CSDE1: variants seen among roughly 807,000 people sequenced by gnomAD.
CSDE1 encodes the protein cold shock domain containing E1.
In CSDE1, 17 loss-of-function variants were observed where a neutral mutation model predicts 89.3. The observed-to-expected ratio is 0.19, with a 90% CI of 0.13 to 0.29. The LOEUF is 0.29. Among genes scored for constraint, CSDE1 ranks in the 10% least tolerant of loss-of-function variants. The probability of loss-of-function intolerance (pLI) is 1.00; values close to 1 mark genes in which losing one functional copy is unlikely to be tolerated. For synonymous variants in CSDE1, 322 were observed against 332.8 expected (o/e 0.97, Z 0.35); for missense variants, 672 against 984.2 (o/e 0.68, Z 4.24).
chr1:114,731,548 T>TGTTATCATATCATCTACA (rs1477619047), intron 10 of CSDE1, among the ~76,000 whole-genome samples: 6 of 151,970 alleles, frequency 3.9e-5, no homozygotes, highest in Non-Finnish European at 8.8e-5. Flanking sequence ...CAACACTGAG[T>TGTTATCATATCATCTACA]TATAGTGTAG....
chr1:114,718,064 G>A lies in CSDE1; in HGVS notation c.*105C>T. Reference sequence around the variant, plus strand: ...CTGGTGTAATAGCTCAATAGAATAAGTATTCCAGATTTCGGGAGGGATGAA... The same window carrying A: ...CTGGTGTAATAGCTCAATAGAATAAATATTCCAGATTTCGGGAGGGATGAA... On this transcript the variant is annotated 3_prime_UTR_variant, in exon 20 of 20. Coordinates refer to ENST00000358528, the MANE Select transcript of CSDE1 (RefSeq NM_001007553.3). 9.0e-7 allele frequency: 1 copy of A among 1,108,458 alleles called. No homozygotes were observed. Among genetic ancestry groups the A allele is most frequent in the Non-Finnish European group, 1.4e-6 (1 of 727,246 alleles). 68.7% of individuals were successfully genotyped at this position (1,108,458 alleles called of 1,614,324 possible). A position where few individuals can be genotyped will look rare whatever the true frequency, so the allele number is the denominator to read the frequency against.
Position 114,751,442 on chromosome 1 carries a change from G to A in CSDE1, c.-387-1235C>T, listed in dbSNP as rs149675215. 9.2e-4 allele frequency among the ~76,000 whole-genome samples: 140 copies of A among 152,216 alleles called. 2 individuals carry two copies. The highest frequency in any genetic ancestry group is 3.1e-3 in the African/African-American group (130 of 41,548). On this transcript the variant is annotated intron_variant, in intron 1 of 19. Coordinates refer to ENST00000358528, the MANE Select transcript of CSDE1 (RefSeq NM_001007553.3). ...TAGCTCAGACCAGAAGAGCCTAATC[G>A]CAATCACTGGTACTAGTAAATACCA...
intron 6 of CSDE1, 62 bp from the exon 7 acceptor site, chr1:114,734,585 CT>C: frequency 1.5e-6 from 2 of 1,322,078 alleles, no homozygotes; most frequent in Middle Eastern, 1.8e-4. Flanking sequence ...TATTGGCCTG[CT>C]TAGATATGAG....
At chr1:114,748,937 C>T (rs575032268) in intron 2 of CSDE1, among the ~76,000 whole-genome samples, 12 of 152,306 alleles carry the variant, frequency 7.9e-5, no homozygotes, top group Non-Finnish European at 1.0e-4. Flanking sequence ...GGCTCTCCTA[C>T]GGAATAAAGA....
At chr1:114,751,387 T>C (rs965257171) in intron 1 of CSDE1, among the ~76,000 whole-genome samples, 3 of 152,218 alleles carry the variant, frequency 2.0e-5, no homozygotes, top group East Asian at 1.9e-4. Flanking sequence ...AGAAGAATGA[T>C]TATCAGGTGA....
At chr1:114,741,215 G>A (rs1438366179) in intron 2 of CSDE1, among the ~76,000 whole-genome samples, 1 of 152,140 alleles carries the variant, frequency 6.6e-6, no homozygotes, top group South Asian at 2.1e-4. Flanking sequence ...AAACCAAGAA[G>A]GTCTGGCTGT....
chr1:114,726,726 A>T (rs1659820380), intron 13 of CSDE1, among the ~76,000 whole-genome samples: 1 of 152,240 alleles, frequency 6.6e-6, no homozygotes, highest in Non-Finnish European at 1.5e-5. Flanking sequence ...AACTGTTTTA[A>T]CTTTCTTACC....
At chr1:114,751,641 C>T (rs184186606) in intron 1 of CSDE1, among the ~76,000 whole-genome samples, 66 of 151,302 alleles carry the variant, frequency 4.4e-4, no homozygotes, top group Admixed American at 2.1e-3. Flanking sequence ...CTCCTATTAC[C>T]CAGACTAGAT....
At chr1:114,754,004 GCTA>G (rs1661453278) in intron 1 of CSDE1, among the ~76,000 whole-genome samples, 2 of 152,206 alleles carry the variant, frequency 1.3e-5, no homozygotes, top group Admixed American at 1.3e-4. Flanking sequence ...CATACTGTGT[GCTA>G]AGTAATCAAC....
rs1661223065 is a variant in CSDE1 at position 114,750,024 on chromosome 1, T to A, written c.-204A>T. On this transcript the variant is annotated 5_prime_UTR_variant, in exon 2 of 20. Transcript: ENST00000358528. ...AAGAAAACAAAGACTACTAGCAGCG[T>A]TGGGAAGTGCTCTTTCAAAGCTGTT... 1 of 152,562 alleles carries A rather than the reference T, an allele frequency of 6.6e-6. No homozygotes were observed. The highest frequency in any genetic ancestry group is 2.4e-5 in the African/African-American group (1 of 41,426). The allele number at this position is 152,562 out of a possible 1,614,324, so 9.5% of individuals were successfully genotyped here. A position where few individuals can be genotyped will look rare whatever the true frequency, so the allele number is the denominator to read the frequency against.
At chr1:114,739,527 T>C (rs1318925955) in intron 3 of CSDE1, among the ~76,000 whole-genome samples, 165 bp downstream of exon 3, 1 of 152,244 alleles carries the variant, frequency 6.6e-6, no homozygotes, top group Admixed American at 6.5e-5. Flanking sequence ...ATATAATCTT[T>C]CAAGGATTCT....
chr1:114,743,707 T>C (rs1660860052), intron 2 of CSDE1, among the ~76,000 whole-genome samples: 1 of 152,164 alleles, frequency 6.6e-6, no homozygotes, highest in Admixed American at 6.5e-5. Context: ...GCTAGCATTT[T>C]AAGACTCTAA....
chr1:114,744,553 G>A (rs556408950), intron 2 of CSDE1, among the ~76,000 whole-genome samples: 1 of 152,118 alleles, frequency 6.6e-6, no homozygotes, highest in Non-Finnish European at 1.5e-5. Flanking sequence ...GGGTGACAGA[G>A]TGAGACCCTG....
chr1:114,719,712 T>C lies in CSDE1; in HGVS notation c.2083A>G (p.Ser695Gly). The change falls in exon 18 of 20, where the codon AGC (serine) becomes GGC (glycine). Residue 695 changes from serine (S) to glycine (G), a missense_variant. Physicochemically the swap from Ser to Gly is moderately conservative, Grantham distance 56. This residue lies in a region of CSDE1 where 206 missense variants were observed against 332.4 expected (regional missense o/e 0.62). Transcript: ENST00000358528. ...TTCACATGGAAAAAGAGCTTCTTGC[T>C]ATCTCCTACTTCATAGTTAATGAAG... is the stretch of plus-strand genomic sequence containing the variant. ...FGFINYEVGD[S>G]KKLFFHVKEV... The C allele has an allele frequency of 6.2e-7, 1 of 1,613,880 alleles. No homozygotes were observed. The highest frequency in any genetic ancestry group is 1.1e-5 in the South Asian group (1 of 91,030).
At position 114,726,357 on chromosome 1, in the gene CSDE1, CCT is replaced by C; in HGVS notation, c.1492_1493del (p.Arg498AlafsTer15). 6.2e-7 allele frequency: 1 copy of C among 1,612,134 alleles called. No homozygotes were observed. The highest frequency in any genetic ancestry group is 8.5e-7 in the Non-Finnish European group (1 of 1,179,370). Reference protein sequence around the residue: ...KVEFSISDKQRPGQQVATCVR... With the variant: ...KVEFSISDKQXPGQQVATCVR... Reference sequence around the variant, plus strand: ...CACAAGTTGCAACCTGCTGTCCAGGCCTCTGTTTGTCACTAATACTAAATTCA... The same window carrying C: ...CACAAGTTGCAACCTGCTGTCCAGGCCTGTTTGTCACTAATACTAAATTCA... On this transcript the variant is annotated frameshift_variant, in exon 14 of 20. Transcript: ENST00000358528. LOFTEE classifies it high-confidence loss of function.
chr1:114,750,222 TGAA>T lies in CSDE1; in HGVS notation c.-387-18_-387-16del, dbSNP rs1162975877. The stretch of plus-strand genomic sequence containing the variant: ...TACACTTCATACTAAAGGTAAAAAA[TGAA>T]GACATTAAGTATAACATACATAAAA... On this transcript the variant is annotated splice_polypyrimidine_tract_variant and intron_variant, in intron 1 of 19. Transcript: ENST00000358528. The T allele has an allele frequency of 6.6e-6, 1 of 152,434 alleles. No individual in the cohort carries two copies. Among genetic ancestry groups the T allele is most frequent in the Non-Finnish European group, 1.5e-5 (1 of 68,020 alleles). 9.4% of individuals were successfully genotyped at this position (152,434 alleles called of 1,614,324 possible).
In CSDE1 at chr1:114,722,320, C is replaced by A. The variant is rs532686588; in HGVS notation, c.1873+1563G>T. ...ATCAATAATTACCATTTATGATGCA[C>A]ATACTGATTCATACTTTATAGAACC... On this transcript the variant is annotated intron_variant, in intron 16 of 19. Transcript: ENST00000358528. Among the ~76,000 whole-genome samples the A allele has an allele frequency of 2.6e-5, 4 of 152,344 alleles. No individual in the cohort carries two copies. The East Asian group carries it at 5.8e-4, about 22-fold the overall frequency.
At position 114,733,911 on chromosome 1, in the gene CSDE1, T is replaced by C. The variant is rs2101042229; in HGVS notation, c.712-54A>G. 3 of 1,607,728 alleles carry C rather than the reference T, an allele frequency of 1.9e-6. No homozygotes were observed. The Admixed American group carries it at 5.1e-5, about 27-fold the overall frequency. On this transcript the variant is annotated intron_variant, in intron 8 of 19. Coordinates refer to ENST00000358528, the MANE Select transcript of CSDE1 (RefSeq NM_001007553.3). ...GGGGACAGAGGAAGGAAGAATCACA[T>C]AATTTTAAGTGTTTCTTAAAAACAT...
intron 2 of CSDE1, among the ~76,000 whole-genome samples, chr1:114,745,784 A>C (rs547701149): frequency 5.9e-5 from 9 of 152,352 alleles, no homozygotes; most frequent in African/African-American, 2.2e-4. Context: ...GAAATGGAAC[A>C]AATCTCAGGT....
Sources: allele counts gnomAD v4.1 joint callset (sites outside exome capture counted in the v4.1 genomes callset), GRCh38; gene constraint gnomAD v4.1.1; regional missense constraint gnomAD v4.1.1; transcripts MANE v1.5; gene names NCBI Gene and HGNC (gene_info 2026-07-23, HGNC 2026-07-21).